GUCY1A2: variants seen among roughly 807,000 people sequenced by gnomAD.
GUCY1A2 encodes guanylate cyclase soluble subunit alpha-2.
Under a neutral mutation model 63.5 loss-of-function variants are expected in GUCY1A2, and 27 were observed. The ratio of observed to expected loss-of-function variants is 0.43; its 90% CI spans 0.31 to 0.59. GUCY1A2 has a LOEUF of 0.59. Among genes scored for constraint, GUCY1A2 ranks in the 20% least tolerant of loss-of-function variants. GUCY1A2 has a pLI of 0.11. For missense variants in GUCY1A2, 768 were observed against 913.3 expected, an observed-to-expected ratio of 0.84 and a Z score of 2.05; for synonymous variants, 364 against 343.5, an observed-to-expected ratio of 1.06 and a Z score of -0.66.
chr11:106,888,812 T>A (rs552661459), intron 4 of GUCY1A2, among the ~76,000 whole-genome samples: 7 of 152,298 alleles, frequency 4.6e-5, no homozygotes, highest in African/African-American at 1.4e-4. Context: ...CAATTAGACA[T>A]CTTGATGTAT....
intron 7 of GUCY1A2, among the ~76,000 whole-genome samples, chr11:106,694,017 G>C (rs908499728): frequency 6.6e-6 from 1 of 152,118 alleles, no homozygotes; most frequent in Non-Finnish European, 1.5e-5. Flanking sequence ...ATTATGACAT[G>C]GTTAGAAGTT....
At chr11:106,906,819 G>C (rs541719501) in intron 4 of GUCY1A2, among the ~76,000 whole-genome samples, 56 of 151,990 alleles carry the variant, frequency 3.7e-4, no homozygotes, top group Non-Finnish European at 7.1e-4. Context: ...AGCATTCTCA[G>C]CAAACTAACA....
At chr11:106,944,108 G>A (rs535523392) in intron 3 of GUCY1A2, among the ~76,000 whole-genome samples, 18 of 148,774 alleles carry the variant, frequency 1.2e-4, no homozygotes, top group African/African-American at 2.0e-4. Flanking sequence ...CCAGCTACTC[G>A]GGAGGCTGAG....
intron 4 of GUCY1A2, among the ~76,000 whole-genome samples, chr11:106,855,794 C>A (rs1859421579): frequency 6.6e-6 from 1 of 152,072 alleles, no homozygotes; most frequent in Non-Finnish European, 1.5e-5. Context: ...CCAATTAAGA[C>A]CACTATCTTA....
intron 4 of GUCY1A2, among the ~76,000 whole-genome samples, chr11:106,899,613 A>G (rs1451707105): frequency 6.6e-6 from 1 of 152,236 alleles, no homozygotes; most frequent in Non-Finnish European, 1.5e-5. Flanking sequence ...CTCCCCACAG[A>G]ATTAAAATAT....
chr11:106,738,709 T>A (rs1171975013), intron 6 of GUCY1A2, among the ~76,000 whole-genome samples: 1 of 152,196 alleles, frequency 6.6e-6, no homozygotes, highest in Non-Finnish European at 1.5e-5. Flanking sequence ...GGTAGATATG[T>A]GGCAATATTT....
At chr11:106,846,185 G>A (rs576458014) in intron 4 of GUCY1A2, among the ~76,000 whole-genome samples, 1 of 148,254 alleles carries the variant, frequency 6.7e-6, no homozygotes, top group South Asian at 2.1e-4. Flanking sequence ...AAATTGTTGA[G>A]AAAATTGGGA....
chr11:106,965,262 C>T (rs546517730), intron 3 of GUCY1A2, among the ~76,000 whole-genome samples: 2 of 152,046 alleles, frequency 1.3e-5, no homozygotes, highest in Non-Finnish European at 2.9e-5. Flanking sequence ...GAGTAAAGTA[C>T]TTACACTCTG....
At chr11:106,900,512 C>T (rs1363269097) in intron 4 of GUCY1A2, among the ~76,000 whole-genome samples, 1 of 152,172 alleles carries the variant, frequency 6.6e-6, no homozygotes, top group Non-Finnish European at 1.5e-5. Context: ...GCCAATTTAA[C>T]GAAGTAAACA....
chr11:106,709,472 ATAT>A lies in GUCY1A2; in HGVS notation c.1837-809_1837-807del, dbSNP rs1340569841. On this transcript the variant is annotated intron_variant, in intron 6 of 7. Coordinates refer to ENST00000526355, the MANE Select transcript of GUCY1A2 (RefSeq NM_000855.3). ...ATATTCTATATTTATAGAATAATATATATTATTATATATTTATATATATATAAT... is the reference window on the plus strand; with the variant it reads ...ATATTCTATATTTATAGAATAATATATATTATATATTTATATATATATAAT... 9.2e-3 allele frequency among the ~76,000 whole-genome samples: 774 copies of A among 83,872 alleles called. 16 individuals carry two copies. The highest frequency in any genetic ancestry group is 0.017 in the Middle Eastern group (1 of 58). The allele number at this position is 83,872 out of a possible 152,430, so 55.0% of individuals were successfully genotyped here.
intron 7 of GUCY1A2, among the ~76,000 whole-genome samples, chr11:106,700,186 A>G (rs976356718): frequency 6.6e-6 from 1 of 152,168 alleles, no homozygotes. Context: ...AGAGTAAGCT[A>G]ATAGGTAAGT....
chr11:106,816,251 A>C (rs1858830815), intron 4 of GUCY1A2, among the ~76,000 whole-genome samples: 3 of 151,822 alleles, frequency 2.0e-5, no homozygotes, highest in Non-Finnish European at 4.4e-5. Flanking sequence ...CACCAGAATA[A>C]ATTTCAAAAG....
chr11:106,808,629 A>C (rs925316543), intron 5 of GUCY1A2, among the ~76,000 whole-genome samples: 1 of 133,168 alleles, frequency 7.5e-6, no homozygotes, highest in Non-Finnish European at 1.7e-5. Context: ...TTAGGGCTAA[A>C]ACAAAACAAA....
Position 106,788,339 on chromosome 11 carries a change from G to C in GUCY1A2, c.1693-11757C>G, listed in dbSNP as rs150572090. The stretch of plus-strand genomic sequence containing the variant: ...AATATTTTCTCCCATTCTGTGGGTT[G>C]TCTCTTCACTTTGCTAATTGTTTCC... On this transcript the variant is annotated intron_variant, in intron 5 of 7. Coordinates refer to ENST00000526355, the MANE Select transcript of GUCY1A2 (RefSeq NM_000855.3). 9.9e-3 allele frequency among the ~76,000 whole-genome samples: 1,506 copies of C among 151,928 alleles called. 22 individuals are homozygous for C. The highest frequency in any genetic ancestry group is 0.034 in the African/African-American group (1,411 of 41,412).
At chr11:106,724,924 C>A (rs1231121170) in intron 6 of GUCY1A2, among the ~76,000 whole-genome samples, 1 of 152,082 alleles carries the variant, frequency 6.6e-6, no homozygotes, top group East Asian at 1.9e-4. Context: ...CTCAGATAAG[C>A]ATATCTCCAA....
At chr11:106,811,216 C>T (rs1858758013) in intron 4 of GUCY1A2, among the ~76,000 whole-genome samples, 1 of 152,010 alleles carries the variant, frequency 6.6e-6, no homozygotes. Context: ...TATGCCCTTT[C>T]ACTGGAGAAT....
chr11:106,800,006 A>T (rs982493425), intron 5 of GUCY1A2, among the ~76,000 whole-genome samples: 3 of 152,212 alleles, frequency 2.0e-5, no homozygotes, highest in African/African-American at 7.2e-5. Context: ...ACAAAGGGCT[A>T]ATATCCAGAA....
intron 4 of GUCY1A2, among the ~76,000 whole-genome samples, chr11:106,883,315 T>C (rs903910839): frequency 2.6e-5 from 4 of 152,184 alleles, no homozygotes; most frequent in Non-Finnish European, 5.9e-5. Context: ...TGGATGCCTT[T>C]ATCTATGTGT....
At chr11:106,914,782 G>C (rs868171682) in intron 4 of GUCY1A2, among the ~76,000 whole-genome samples, 2 of 151,960 alleles carry the variant, frequency 1.3e-5, no homozygotes, top group African/African-American at 4.8e-5. Context: ...ACAGTATAAA[G>C]TATTTTGAAA....
Sources: allele counts gnomAD v4.1 joint callset (sites outside exome capture counted in the v4.1 genomes callset), GRCh38; gene constraint gnomAD v4.1.1; transcripts MANE v1.5; gene names NCBI Gene and HGNC (gene_info 2026-07-23, HGNC 2026-07-21).